Variants in MTUS2 observed in about 807,000 individuals in gnomAD.
MTUS2 encodes microtubule-associated tumor suppressor candidate 2.
MTUS2 carries 40 observed loss-of-function variants against 114.1 expected under a neutral mutation model. The ratio of observed to expected loss-of-function variants is 0.35; its 90% confidence interval spans 0.27 to 0.46. The LOEUF (loss-of-function observed/expected upper bound fraction) is 0.46, where lower values mean the gene tolerates loss of function less well. Ranked by LOEUF, MTUS2 falls within the 20% of genes least tolerant of loss-of-function variation. The pLI is 1.00. For missense variants in MTUS2, 1,679 were observed against 1,705.4 expected (o/e 0.98, Z 0.27); for synonymous variants, 688 against 672.0 (o/e 1.02, Z -0.37).
At chr13:29,151,569 A>G (rs1892665471) in intron 5 of MTUS2, among the ~76,000 whole-genome samples, 1 of 152,162 alleles carries the variant, frequency 6.6e-6, no homozygotes, top group African/African-American at 2.4e-5. Flanking sequence ...CTTCTAGTAC[A>G]TGTTGAAAAA....
intron 4 of MTUS2, among the ~76,000 whole-genome samples, chr13:29,063,979 A>G (rs773480737): frequency 6.6e-6 from 1 of 152,186 alleles, no homozygotes; most frequent in Admixed American, 6.5e-5. Flanking sequence ...ACCTCTTCAC[A>G]TTCTGGCAGA....
At chr13:29,040,586 A>G (rs746956229) in intron 4 of MTUS2, among the ~76,000 whole-genome samples, 1 of 152,196 alleles carries the variant, frequency 6.6e-6, no homozygotes, top group African/African-American at 2.4e-5. Flanking sequence ...CCAGCAGTAT[A>G]TAAGTGTTCC....
At position 29,138,697 on chromosome 13, in the gene MTUS2, T is replaced by C. The variant is rs1892088983; in HGVS notation, c.2644+37727T>C. On this transcript the variant is annotated intron_variant, in intron 5 of 15. Transcript: ENST00000612955. ...TAATAAAAACCATTGAATTGTGTTT[T>C]TTATATGGGTAAAATTTATGATAAA... 2.7e-5 allele frequency among the ~76,000 whole-genome samples: 4 copies of C among 150,672 alleles called. No homozygotes were observed. The South Asian group carries it at 8.4e-4, about 32-fold the overall frequency.
chr13:29,185,317 G>T (rs1228390519), intron 5 of MTUS2, among the ~76,000 whole-genome samples: 1 of 152,106 alleles, frequency 6.6e-6, no homozygotes, highest in Non-Finnish European at 1.5e-5. Flanking sequence ...ATATGCAAAT[G>T]GGCGTCCCAC....
intron 3 of MTUS2, among the ~76,000 whole-genome samples, chr13:29,029,906 C>G (rs1031424102): frequency 1.3e-5 from 2 of 152,198 alleles, no homozygotes; most frequent in East Asian, 3.8e-4. Context: ...CACACACCTC[C>G]CACTAGACCC....
intron 6 of MTUS2, among the ~76,000 whole-genome samples, chr13:29,289,558 G>A (rs1470148822): frequency 6.6e-6 from 1 of 151,796 alleles, no homozygotes; most frequent in Non-Finnish European, 1.5e-5. Flanking sequence ...TGCCTCCCGG[G>A]TTCAAGTGAT....
intron 1 of MTUS2, 25 bp downstream of exon 1, chr13:28,820,636 TC>T: frequency 6.6e-6 from 1 of 152,194 alleles, no homozygotes; most frequent in Non-Finnish European, 1.5e-5. Flanking sequence ...TGCTGCGCGG[TC>T]CGGTGGGGTC....
At chr13:28,995,081 GGT>G (rs1326188263) in intron 2 of MTUS2, among the ~76,000 whole-genome samples, 1 of 152,152 alleles carries the variant, frequency 6.6e-6, no homozygotes, top group East Asian at 1.9e-4. Flanking sequence ...TTTTGTATAA[GGT>G]GTAAGGAAGG....
chr13:28,837,492 C>G (rs1267995716), intron 1 of MTUS2, among the ~76,000 whole-genome samples: 1 of 152,142 alleles, frequency 6.6e-6, no homozygotes, highest in Non-Finnish European at 1.5e-5. Context: ...TGAGGTTGAC[C>G]AGTTGGTTCT....
At chr13:29,250,460 A>G (rs1897083736) in intron 5 of MTUS2, 1 of 151,722 alleles carries the variant, frequency 6.6e-6, no homozygotes, top group African/African-American at 2.4e-5. Context: ...ATCTTTGGAA[A>G]TAATGCAAGC....
At chr13:29,412,395 A>C (rs1474746539) in intron 8 of MTUS2, among the ~76,000 whole-genome samples, 2 of 152,216 alleles carry the variant, frequency 1.3e-5, no homozygotes, top group Admixed American at 6.5e-5. Context: ...ATATGGAACC[A>C]ACCTTAAATT....
chr13:29,389,567 G>GTACATATGTGTGTATACGTA (rs1209734042), intron 8 of MTUS2, among the ~76,000 whole-genome samples: 1 of 49,482 alleles, frequency 2.0e-5, no homozygotes, highest in African/African-American at 7.0e-5. Context: ...GTGTATATGT[G>GTACATATGTGTGTATACGTA]TACATATGTG....
chr13:29,363,163 TC>T (rs1870412257), intron 8 of MTUS2, among the ~76,000 whole-genome samples: 1 of 152,088 alleles, frequency 6.6e-6, no homozygotes, highest in Non-Finnish European at 1.5e-5. Flanking sequence ...GCTGTGTGGT[TC>T]CCCGTAATGC....
intron 5 of MTUS2, among the ~76,000 whole-genome samples, chr13:29,225,487 T>C (rs1487686615): frequency 1.3e-5 from 2 of 152,204 alleles, no homozygotes; most frequent in African/African-American, 4.8e-5. Context: ...AATCATAGAA[T>C]TGAGGGTGAC....
intron 5 of MTUS2, among the ~76,000 whole-genome samples, chr13:29,182,253 T>A (rs1348674130): frequency 6.6e-6 from 1 of 152,262 alleles, no homozygotes; most frequent in African/African-American, 2.4e-5. Context: ...ATGTTGACAC[T>A]AACTTCAAAG....
rs1383714444 is a variant in MTUS2, at chr13:29,359,281, T to C, written c.2925T>C (p.Thr975=). ...TCACAGGATACCCAAAGCAGAGGAC[T>C]GCGGCAGCTCGAAATGGGTTTCCGC... The part of the protein sequence containing the change: ...LHSPGYPKQR[T]AAARNGFPPK... Residue 975 remains threonine, a synonymous_variant, in exon 8 of 16, where the codon ACT becomes ACC. Transcript: ENST00000612955. 1 of 1,603,062 alleles carries C rather than the reference T, an allele frequency of 6.2e-7. No homozygotes were observed. Among genetic ancestry groups the C allele is most frequent in the Non-Finnish European group, 8.5e-7 (1 of 1,175,106 alleles).
At chr13:28,991,731 T>G (rs8002557) in intron 2 of MTUS2, among the ~76,000 whole-genome samples, 1 of 152,118 alleles carries the variant, frequency 6.6e-6, no homozygotes, top group Non-Finnish European at 1.5e-5. Context: ...TGCTCTGGGC[T>G]GGCAGGAGCT....
intron 11 of MTUS2, among the ~76,000 whole-genome samples, chr13:29,490,304 G>C (rs1316492289): frequency 6.6e-6 from 1 of 152,158 alleles, no homozygotes; most frequent in African/African-American, 2.4e-5. Context: ...AAACCACAAA[G>C]TTTTTCCTAA....
chr13:29,206,628 C>A (rs1445516803), intron 5 of MTUS2, among the ~76,000 whole-genome samples: 1 of 152,164 alleles, frequency 6.6e-6, no homozygotes, highest in African/African-American at 2.4e-5. Context: ...CTGCATGCGG[C>A]TTGCCAGTTA....
Sources: allele counts gnomAD v4.1 joint callset (sites outside exome capture counted in the v4.1 genomes callset), GRCh38; gene constraint gnomAD v4.1.1; transcripts MANE v1.5; gene names NCBI Gene and HGNC (gene_info 2026-07-23, HGNC 2026-07-21).